Variants in ZNF407 observed in about 807,000 individuals in gnomAD.
ZNF407 encodes zinc finger protein 407.
A neutral mutation model predicts 131.2 loss-of-function variants in ZNF407; 17 were observed. The observed-to-expected ratio is 0.13, with a 90% CI of 0.09 to 0.19. The LOEUF is 0.19. Ranked by LOEUF, ZNF407 falls within the 10% of genes least tolerant of loss-of-function variation. The pLI is 1.00. For missense variants in ZNF407, 2,681 were observed against 2,830.6 expected, an observed-to-expected ratio of 0.95 and a Z score of 1.20; for synonymous variants, 1,156 against 1,062.0, an observed-to-expected ratio of 1.09 and a Z score of -1.72.
intron 4 of ZNF407, among the ~76,000 whole-genome samples, chr18:74,848,860 T>C (rs1407310450): frequency 6.6e-6 from 1 of 152,162 alleles, no homozygotes; most frequent in East Asian, 1.9e-4. Context: ...GGGACAAGTT[T>C]CTAAACCATC....
intron 3 of ZNF407, among the ~76,000 whole-genome samples, chr18:74,651,218 G>A (rs550651141): frequency 1.3e-5 from 2 of 152,210 alleles, no homozygotes; most frequent in Admixed American, 1.3e-4. Context: ...TTATATGTTA[G>A]TTATGAAGAG....
chr18:74,909,451 T>C (rs1254522862), intron 7 of ZNF407, among the ~76,000 whole-genome samples: 2 of 152,068 alleles, frequency 1.3e-5, no homozygotes, highest in Non-Finnish European at 2.9e-5. Flanking sequence ...AAAAAGAAAA[T>C]GTTCTGTAGT....
At chr18:74,879,365 G>A (rs2217052) in intron 5 of ZNF407, among the ~76,000 whole-genome samples, 69,904 of 151,896 alleles carry the variant, frequency 0.46, 17,984 homozygotes, top group Non-Finnish European at 0.57. Flanking sequence ...TGTGTGTGGT[G>A]CTGCACACAC....
At chr18:74,820,667 A>G (rs571603238) in intron 4 of ZNF407, among the ~76,000 whole-genome samples, 20 of 152,308 alleles carry the variant, frequency 1.3e-4, no homozygotes, top group African/African-American at 4.8e-4. Flanking sequence ...TGAAAGCTAT[A>G]AATTCCAATG....
chr18:74,953,171 T>C (rs1043247285), intron 8 of ZNF407, among the ~76,000 whole-genome samples: 2 of 152,142 alleles, frequency 1.3e-5, no homozygotes, highest in African/African-American at 4.8e-5. Context: ...GAGAGAGTGA[T>C]CACTTGAATG....
At chr18:74,898,258 C>A (rs1300028558) in intron 7 of ZNF407, 2 of 152,198 alleles carry the variant, frequency 1.3e-5, no homozygotes, top group African/African-American at 4.8e-5. Flanking sequence ...CTAAGAATTT[C>A]TTTAAGACAA....
chr18:74,964,453 T>A (rs1264355480), intron 8 of ZNF407, among the ~76,000 whole-genome samples: 1 of 152,228 alleles, frequency 6.6e-6, no homozygotes, highest in African/African-American at 2.4e-5. Context: ...AAGCACTTTT[T>A]TTGTTTGTAA....
chr18:74,964,974 A>G (rs1245239526), intron 8 of ZNF407, among the ~76,000 whole-genome samples: 1 of 152,248 alleles, frequency 6.6e-6, no homozygotes. Context: ...CCTTAGCAGT[A>G]GAAAGAACCT....
At chr18:74,887,042 A>C (rs1348667530) in intron 6 of ZNF407, among the ~76,000 whole-genome samples, 3 of 152,166 alleles carry the variant, frequency 2.0e-5, no homozygotes, top group African/African-American at 7.2e-5. Context: ...GGTGTGCATT[A>C]AATTACTATT....
chr18:74,917,273 G>A (rs1971785511), intron 7 of ZNF407, among the ~76,000 whole-genome samples: 1 of 152,016 alleles, frequency 6.6e-6, no homozygotes, highest in Non-Finnish European at 1.5e-5. Flanking sequence ...TTGTCTGCAT[G>A]TGTTTATGCT....
chr18:74,840,800 A>G (rs1352716161), intron 4 of ZNF407, among the ~76,000 whole-genome samples: 2 of 152,192 alleles, frequency 1.3e-5, no homozygotes, highest in East Asian at 3.9e-4. Context: ...TGTTCAAAAT[A>G]GATTCTGAAT....
chr18:74,692,691 G>T (rs533445733), intron 3 of ZNF407, among the ~76,000 whole-genome samples: 2 of 152,056 alleles, frequency 1.3e-5, no homozygotes. Context: ...TTCCTGCCCC[G>T]CCCCTGGGGT....
chr18:74,988,092 T>A (rs1599280797), intron 8 of ZNF407, among the ~76,000 whole-genome samples: 3 of 152,194 alleles, frequency 2.0e-5, no homozygotes, highest in Admixed American at 1.3e-4. Context: ...GCAAGAAACA[T>A]AGTCGGAAGG....
At chr18:74,622,733 TG>T (rs1983571386) in intron 1 of ZNF407, among the ~76,000 whole-genome samples, 1 of 4,800 alleles carries the variant, frequency 2.1e-4, no homozygotes, top group African/African-American at 3.6e-4. Context: ...TAGTGGTGTG[TG>T]TCTGTGAGTG....
intron 8 of ZNF407, among the ~76,000 whole-genome samples, chr18:74,987,521 C>T (rs1972667531): frequency 1.3e-5 from 2 of 152,092 alleles, no homozygotes; most frequent in Non-Finnish European, 2.9e-5. Context: ...ATTGATCGGG[C>T]TCTGTTTAAG....
chr18:74,938,994 A>G (rs79631706), intron 8 of ZNF407, among the ~76,000 whole-genome samples: 1,626 of 152,338 alleles, frequency 0.011, 28 homozygotes, highest in African/African-American at 0.036. Context: ...TTAAGAGCAT[A>G]GAGATAGAGT....
intron 3 of ZNF407, among the ~76,000 whole-genome samples, chr18:74,754,054 T>A (rs1968871093): frequency 6.6e-6 from 1 of 152,232 alleles, no homozygotes; most frequent in South Asian, 2.1e-4. Context: ...GGGATTCAAC[T>A]TCTTCCTGGT....
At position 74,981,684 on chromosome 18, in the gene ZNF407, C is replaced by T. The variant is rs566721751; in HGVS notation, c.5428+60992C>T. ...GAGCGCAGGATGTGACTGGGGAGGA[C>T]GCGGCGTGGACCAGCCAAGCCACAC... On this transcript the variant is annotated intron_variant, in intron 8 of 8. Coordinates refer to ENST00000299687, the MANE Select transcript of ZNF407 (RefSeq NM_017757.3). 5.3e-5 allele frequency among the ~76,000 whole-genome samples: 8 copies of T among 152,218 alleles called. No individual in the cohort carries two copies. The South Asian group carries it at 8.3e-4, about 16-fold the overall frequency.
At chr18:75,034,105 T>G (rs889170149) in intron 8 of ZNF407, among the ~76,000 whole-genome samples, 5 of 152,136 alleles carry the variant, frequency 3.3e-5, no homozygotes, top group African/African-American at 1.2e-4. Flanking sequence ...CAAGCTGTGT[T>G]ATACACACAT....
Sources: gnomAD v4.1 joint callset for allele counts (sites outside exome capture counted in the v4.1 genomes callset) on GRCh38, gnomAD v4.1.1 for gene constraint, MANE v1.5 for transcripts, NCBI Gene and HGNC (gene_info 2026-07-23, HGNC 2026-07-21) for gene names.